The following PEX39 variants were observed in gnomAD, a reference collection of about 807,000 sequenced individuals.
PEX39 encodes the protein peroxin-39.
At chr6:42,890,334 C>T in the PEX39 span, 1 of 649,018 alleles carries the variant, frequency 1.5e-6, no homozygotes, top group Non-Finnish European at 2.4e-6. Flanking sequence ...ACATGGTCCA[C>T]AAATGTAAAT....
the PEX39 span, chr6:42,890,580 AG>A: frequency 1.2e-6 from 2 of 1,610,478 alleles, no homozygotes; most frequent in Non-Finnish European, 1.7e-6. Flanking sequence ...CGGAGGGGGA[AG>A]GGACTCAGCC....
chr6:42,890,356 ATGG>A, the PEX39 span: 8 of 841,820 alleles, frequency 9.5e-6, no homozygotes, highest in Non-Finnish European at 1.4e-5. Flanking sequence ...CAAAACCCCC[ATGG>A]TGGTTGCAGG....
At chr6:42,890,639 T>C in the PEX39 span, 1 of 1,612,596 alleles carries the variant, frequency 6.2e-7, no homozygotes, top group Non-Finnish European at 8.5e-7. Flanking sequence ...GCCGGGACGC[T>C]GTGGGTTCGC....
the PEX39 span, chr6:42,890,741 T>TGAGGCA: frequency 3.7e-6 from 6 of 1,607,936 alleles, no homozygotes; most frequent in Non-Finnish European, 5.1e-6. Flanking sequence ...TAACCGAAGC[T>TGAGGCA]GAGGCAGAGG....
the PEX39 span, chr6:42,890,349 A>G: frequency 1.3e-6 from 1 of 765,376 alleles, no homozygotes; most frequent in Non-Finnish European, 1.9e-6. Context: ...GTAAATGCAA[A>G]ACCCCCATGG....
At chr6:42,890,699 C>T in the PEX39 span, 2 of 1,612,388 alleles carry the variant, frequency 1.2e-6, no homozygotes, top group Non-Finnish European at 1.7e-6. Context: ...GTTCCTGGCC[C>T]TGCTGGACCA....
chr6:42,890,483 T>G, the PEX39 span: 1 of 1,513,198 alleles, frequency 6.6e-7, no homozygotes, highest in Non-Finnish European at 8.9e-7. Flanking sequence ...ACCTGGAACC[T>G]CAGGGGCCCA....
At chr6:42,890,466 G>A in the PEX39 span, 106 of 1,495,474 alleles carry the variant, frequency 7.1e-5, no homozygotes, top group Admixed American at 7.0e-5. Context: ...GATCGCCGCC[G>A]CAAAGGACCT....
At chr6:42,890,579 A>T in the PEX39 span, 4 of 1,609,410 alleles carry the variant, frequency 2.5e-6, 1 homozygote, top group South Asian at 4.4e-5. Context: ...TCGGAGGGGG[A>T]AGGGACTCAG....
the PEX39 span, chr6:42,890,809 C>T: frequency 3.2e-6 from 5 of 1,552,870 alleles, no homozygotes; most frequent in East Asian, 4.6e-5. Context: ...GAATCCTGAC[C>T]GGCGTGTAAT....
chr6:42,890,677 C>A, the PEX39 span: 3 of 1,612,852 alleles, frequency 1.9e-6, no homozygotes, highest in Non-Finnish European at 2.5e-6. Context: ...TGGCGTTTCT[C>A]CAGGCCCGGG....
chr6:42,890,712 T>A, the PEX39 span: 1 of 1,611,526 alleles, frequency 6.2e-7, no homozygotes, highest in Non-Finnish European at 8.5e-7. Context: ...CTGGACCAGC[T>A]GCAGGAGCTG....
the PEX39 span, chr6:42,890,792 G>T: frequency 6.4e-7 from 1 of 1,565,488 alleles, no homozygotes; most frequent in East Asian, 2.3e-5. Context: ...GCTCCATGTC[G>T]GGTCGCGAAT....
At chr6:42,890,398 G>A in the PEX39 span, 1 of 1,340,994 alleles carries the variant, frequency 7.5e-7, no homozygotes, top group Non-Finnish European at 1.0e-6. Flanking sequence ...AGGTCAGGAC[G>A]AAAGCATAAA....
At chr6:42,890,454 CA>C in the PEX39 span, 1 of 1,496,634 alleles carries the variant, frequency 6.7e-7, no homozygotes, top group Non-Finnish European at 8.9e-7. Flanking sequence ...CCACGCCCTC[CA>C]GATCGCCGCC....
chr6:42,890,740 C>G, the PEX39 span: 34 of 1,608,000 alleles, frequency 2.1e-5, no homozygotes, highest in African/African-American at 4.4e-4. Context: ...GTAACCGAAG[C>G]TGAGGCAGAG....
At chr6:42,890,654 G>A in the PEX39 span, 1 of 1,612,822 alleles carries the variant, frequency 6.2e-7, no homozygotes, top group Non-Finnish European at 8.5e-7. Context: ...GTTCGCCGTG[G>A]ATCGCCGCGA....
chr6:42,890,358 G>T, the PEX39 span: 1 of 862,422 alleles, frequency 1.2e-6, no homozygotes, highest in Non-Finnish European at 1.7e-6. Context: ...AAACCCCCAT[G>T]GTGGTTGCAG....
chr6:42,890,475 C>G, the PEX39 span: 3 of 1,505,520 alleles, frequency 2.0e-6, no homozygotes, highest in Non-Finnish European at 1.8e-6. Context: ...CGCAAAGGAC[C>G]TGGAACCTCA....
Sources: allele counts gnomAD v4.1 joint callset, GRCh38; gene constraint gnomAD v4.1.1; transcripts MANE v1.5; gene names NCBI Gene and HGNC (gene_info 2026-07-23, HGNC 2026-07-21).